Variants in PRKG1 observed in about 807,000 individuals in gnomAD.
PRKG1 encodes the protein protein kinase cGMP-dependent 1, also known as cGMP-dependent protein kinase 1.
Under a neutral mutation model 88.1 loss-of-function variants are expected in PRKG1, and 35 were observed. The ratio of observed to expected loss-of-function variants is 0.40; its 90% CI spans 0.30 to 0.53. PRKG1 has a LOEUF of 0.53. Ranked by LOEUF, PRKG1 falls within the 20% of genes least tolerant of loss-of-function variation. The pLI is 0.59. For synonymous variants in PRKG1, 303 were observed against 292.5 expected, an observed-to-expected ratio of 1.04 and a Z score of -0.37; for missense variants, 540 against 839.8, an observed-to-expected ratio of 0.64 and a Z score of 4.41.
At chr10:51,105,936 C>T (rs1003337288) in intron 1 of PRKG1, among the ~76,000 whole-genome samples, 5 of 152,110 alleles carry the variant, frequency 3.3e-5, no homozygotes, top group African/African-American at 9.7e-5. Context: ...ACAGACAATT[C>T]AATTCAATAA....
chr10:51,022,606 C>T (rs1843153641), intron 1 of PRKG1, among the ~76,000 whole-genome samples: 1 of 151,988 alleles, frequency 6.6e-6, no homozygotes, highest in Admixed American at 6.6e-5. Flanking sequence ...AAACTTAGCC[C>T]AAGTGAGCTG....
intron 5 of PRKG1, among the ~76,000 whole-genome samples, chr10:52,048,560 T>C (rs181854498): frequency 5.9e-5 from 9 of 152,276 alleles, no homozygotes; most frequent in African/African-American, 2.2e-4. Context: ...GTAATAAGCC[T>C]CTGTCACGTG....
chr10:52,271,878 A>G (rs552171903), intron 11 of PRKG1, among the ~76,000 whole-genome samples: 1 of 152,230 alleles, frequency 6.6e-6, no homozygotes, highest in African/African-American at 2.4e-5. Context: ...ACAGCTGACC[A>G]TTCCACCTCA....
intron 2 of PRKG1, among the ~76,000 whole-genome samples, chr10:51,303,867 C>A (rs1158519965): frequency 1.3e-5 from 2 of 152,038 alleles, no homozygotes; most frequent in African/African-American, 4.8e-5. Context: ...GTAACCCAGG[C>A]TGGAGCGCAG....
At chr10:51,079,171 T>C (rs191729149) in intron 1 of PRKG1, among the ~76,000 whole-genome samples, 6 of 152,314 alleles carry the variant, frequency 3.9e-5, no homozygotes, top group East Asian at 3.9e-4. Context: ...GCCTGTGACA[T>C]GCAAAATATT....
intron 2 of PRKG1, among the ~76,000 whole-genome samples, chr10:51,335,775 A>G (rs1841861151): frequency 6.6e-6 from 1 of 152,202 alleles, no homozygotes; most frequent in African/African-American, 2.4e-5. Flanking sequence ...GCCAACTTCT[A>G]TATAATTCAA....
intron 5 of PRKG1, among the ~76,000 whole-genome samples, chr10:51,958,833 G>A (rs180872603): frequency 3.9e-5 from 6 of 152,140 alleles, no homozygotes; most frequent in Admixed American, 1.3e-4. Context: ...CTTTAATCAG[G>A]ACATAAAGTC....
chr10:52,222,691 G>A (rs1308776084), intron 9 of PRKG1, among the ~76,000 whole-genome samples: 1 of 152,116 alleles, frequency 6.6e-6, no homozygotes, highest in Non-Finnish European at 1.5e-5. Context: ...TTTCCCCTGG[G>A]GGATGTAGTC....
intron 9 of PRKG1, among the ~76,000 whole-genome samples, chr10:52,181,466 G>A (rs1839027068): frequency 8.6e-6 from 1 of 115,842 alleles, no homozygotes; most frequent in Non-Finnish European, 1.7e-5. Context: ...AAGTTTTAGG[G>A]TACATGTGCA....
intron 2 of PRKG1, among the ~76,000 whole-genome samples, chr10:51,349,494 G>GTATGTGTAT (rs1439453910): frequency 2.1e-4 from 31 of 149,420 alleles, no homozygotes; most frequent in African/African-American, 7.6e-4. Flanking sequence ...ATGTGTGTGT[G>GTATGTGTAT]TATGTGTATG....
At chr10:51,523,220 G>A (rs1841783432) in intron 3 of PRKG1, among the ~76,000 whole-genome samples, 1 of 152,124 alleles carries the variant, frequency 6.6e-6, no homozygotes, top group African/African-American at 2.4e-5. Context: ...CAGTCATTTT[G>A]TCAAGGGACC....
At chr10:51,172,600 CTATGTATGTATGTATGTATGTATG>C (rs34401585) in intron 2 of PRKG1, among the ~76,000 whole-genome samples, 1 of 141,528 alleles carries the variant, frequency 7.1e-6, no homozygotes, top group African/African-American at 2.6e-5. Context: ...CTATGTCTGT[CTATGTATGTATGTATGTATGTATG>C]TATGTATGTA....
chr10:51,785,786 T>C (rs1019063633), intron 3 of PRKG1, among the ~76,000 whole-genome samples: 3 of 152,100 alleles, frequency 2.0e-5, no homozygotes, highest in African/African-American at 7.2e-5. Flanking sequence ...TAAAACCAAA[T>C]TGATAAGGAC....
chr10:51,125,836 T>C (rs993268541), intron 1 of PRKG1, among the ~76,000 whole-genome samples: 20 of 142,086 alleles, frequency 1.4e-4, no homozygotes, highest in Middle Eastern at 3.6e-3. Flanking sequence ...ATGTAATTTA[T>C]ATAATTTAAT....
chr10:51,938,547 A>G (rs868170518), intron 5 of PRKG1, among the ~76,000 whole-genome samples: 1 of 152,048 alleles, frequency 6.6e-6, no homozygotes, highest in Admixed American at 6.6e-5. Context: ...ATTGGAAACT[A>G]CAATCTTAAG....
intron 10 of PRKG1, among the ~76,000 whole-genome samples, chr10:52,257,163 G>C (rs1441868328): frequency 7.2e-6 from 1 of 139,012 alleles, no homozygotes; most frequent in African/African-American, 2.5e-5. Flanking sequence ...GGATTGCCCA[G>C]GAAAAGAAAA....
intron 4 of PRKG1, among the ~76,000 whole-genome samples, chr10:51,880,777 G>T (rs1436488649): frequency 6.6e-6 from 1 of 152,154 alleles, no homozygotes; most frequent in East Asian, 1.9e-4. Flanking sequence ...AATGTATGAG[G>T]CAAGAGACAC....
intron 5 of PRKG1, among the ~76,000 whole-genome samples, chr10:52,020,698 G>A (rs536757880): frequency 1.3e-5 from 2 of 152,080 alleles, no homozygotes; most frequent in African/African-American, 4.8e-5. Flanking sequence ...TTAATGCTTG[G>A]GAGGTGAGCA....
At chr10:52,136,043 G>A (rs914584375) in intron 8 of PRKG1, among the ~76,000 whole-genome samples, 3 of 152,016 alleles carry the variant, frequency 2.0e-5, no homozygotes, top group Non-Finnish European at 4.4e-5. Context: ...GATAATCACA[G>A]TGTTACAAGC....
Sources: allele counts gnomAD v4.1 joint callset (sites outside exome capture counted in the v4.1 genomes callset), GRCh38; gene constraint gnomAD v4.1.1; transcripts MANE v1.5; gene names NCBI Gene and HGNC (gene_info 2026-07-23, HGNC 2026-07-21).